KCNQ3: variants seen among roughly 807,000 people sequenced by gnomAD.
The protein encoded by KCNQ3 is potassium voltage-gated channel subfamily KQT member 3.
In KCNQ3, 30 loss-of-function variants were observed where a neutral mutation model predicts 92.5. That is an observed-to-expected ratio of 0.32 (90% CI 0.24 to 0.44). KCNQ3 has a LOEUF of 0.44. Among genes scored for constraint, KCNQ3 ranks in the 20% least tolerant of loss-of-function variants. The pLI is 1.00. For synonymous variants in KCNQ3, 450 were observed against 468.8 expected (o/e 0.96, Z 0.52); for missense variants, 913 against 1,140.3 (o/e 0.80, Z 2.87).
At chr8:132,196,238 T>G (rs1172407996) in intron 1 of KCNQ3, among the ~76,000 whole-genome samples, 1 of 152,196 alleles carries the variant, frequency 6.6e-6, no homozygotes, top group African/African-American at 2.4e-5. Flanking sequence ...ATTAATTCAT[T>G]TATTCAATAA....
At chr8:132,146,969 T>C (rs1825469363) in intron 9 of KCNQ3, among the ~76,000 whole-genome samples, 1 of 152,234 alleles carries the variant, frequency 6.6e-6, no homozygotes, top group African/African-American at 2.4e-5. Flanking sequence ...AGATCTGTAC[T>C]CTTAAAAATG....
rs1054315582 is a variant in KCNQ3 at position 132,186,290 on chromosome 8, A to G, written c.387-109T>C. ...GATGAAGCTGCAACTTCTGCTGGAC[A>G]TTGACATGTGCTTTATATGCTATCC... On this transcript the variant is annotated intron_variant, in intron 1 of 14. Transcript: ENST00000388996. 3 of 760,472 alleles carry G rather than the reference A, an allele frequency of 3.9e-6. No homozygotes were observed. In the South Asian group the frequency reaches 4.4e-5, roughly 11 times the overall value. 47.1% of individuals were successfully genotyped at this position (760,472 alleles called of 1,614,324 possible).
At chr8:132,380,938 A>C (rs1819733390) in intron 1 of KCNQ3, among the ~76,000 whole-genome samples, 1 of 151,662 alleles carries the variant, frequency 6.6e-6, no homozygotes, top group African/African-American at 2.4e-5. Flanking sequence ...GCAGAAAAAA[A>C]AAAAAAAAAA....
At chr8:132,256,312 T>C (rs913402301) in intron 1 of KCNQ3, among the ~76,000 whole-genome samples, 2 of 151,122 alleles carry the variant, frequency 1.3e-5, no homozygotes, top group African/African-American at 2.4e-5. Flanking sequence ...AATTGAGGAA[T>C]AAAAAGAAAA....
intron 9 of KCNQ3, among the ~76,000 whole-genome samples, chr8:132,146,938 G>A (rs908167911): frequency 2.0e-5 from 3 of 151,092 alleles, no homozygotes; most frequent in Non-Finnish European, 4.4e-5. Flanking sequence ...GATTAGAGGC[G>A]TGAGCTGTTG....
At chr8:132,311,010 G>A (rs1326562055) in intron 1 of KCNQ3, among the ~76,000 whole-genome samples, 2 of 150,346 alleles carry the variant, frequency 1.3e-5, no homozygotes, top group African/African-American at 4.9e-5. Context: ...GCACGATTTC[G>A]GCTCACTGCA....
Position 132,480,679 on chromosome 8 carries a change from C to A in KCNQ3, c.-147G>T, listed in dbSNP as rs1002664219. Reference sequence around the variant, plus strand: ...CCGCGCGCCCCTCCCCACCCCCCCCCAAAAGCAGGCAAAGGCGGGCCCCCT... The same window carrying A: ...CCGCGCGCCCCTCCCCACCCCCCCCAAAAAGCAGGCAAAGGCGGGCCCCCT... On this transcript the variant is annotated 5_prime_UTR_variant, in exon 1 of 15. Transcript: ENST00000388996. The A allele has an allele frequency of 3.2e-5, 28 of 864,970 alleles. No individual in the cohort carries two copies. The highest frequency in any genetic ancestry group is 5.5e-5 in the African/African-American group (3 of 54,064). The allele number at this position is 864,970 out of a possible 1,614,324, so 53.6% of individuals were successfully genotyped here. A position where few individuals can be genotyped will look rare whatever the true frequency, so the allele number is the denominator to read the frequency against.
chr8:132,204,280 A>T (rs1250229095), intron 1 of KCNQ3, among the ~76,000 whole-genome samples: 1 of 152,236 alleles, frequency 6.6e-6, no homozygotes, highest in Non-Finnish European at 1.5e-5. Context: ...CAGGTGCATG[A>T]AGGCAGGGTT....
intron 1 of KCNQ3, among the ~76,000 whole-genome samples, chr8:132,414,620 T>C (rs191301960): frequency 6.6e-6 from 1 of 152,290 alleles, no homozygotes; most frequent in African/African-American, 2.4e-5. Context: ...AGGGGACCCC[T>C]TAGGAGCTTA....
chr8:132,283,263 A>C (rs973238580), intron 1 of KCNQ3, among the ~76,000 whole-genome samples: 9 of 152,160 alleles, frequency 5.9e-5, no homozygotes, highest in Non-Finnish European at 1.0e-4. Flanking sequence ...AGGCAAAAAA[A>C]AAATTTATCT....
intron 1 of KCNQ3, among the ~76,000 whole-genome samples, chr8:132,322,944 A>C (rs1817933517): frequency 1.3e-5 from 2 of 152,186 alleles, no homozygotes; most frequent in Non-Finnish European, 2.9e-5. Flanking sequence ...TTGCAAGGTT[A>C]CTGCGTTGGT....
At position 132,261,631 on chromosome 8, in the gene KCNQ3, C is replaced by T. The variant is rs560252464; in HGVS notation, c.387-75450G>A. On this transcript the variant is annotated intron_variant, in intron 1 of 14. Transcript: ENST00000388996. ...TGGGGACCAAGCTGGCAGGAGCAGA[C>T]GTGACTGAGAGGACAAGGAGGAGCA... Among the ~76,000 whole-genome samples the T allele has an allele frequency of 1.2e-4, 19 of 152,254 alleles. No homozygotes were observed. The East Asian group carries it at 1.9e-3, about 15-fold the overall frequency.
chr8:132,319,488 G>A (rs1235249738), intron 1 of KCNQ3, among the ~76,000 whole-genome samples: 2 of 152,128 alleles, frequency 1.3e-5, no homozygotes, highest in Non-Finnish European at 2.9e-5. Context: ...CAACACGCAG[G>A]CGCCTTTAGA....
At chr8:132,405,209 T>C (rs942686334) in intron 1 of KCNQ3, among the ~76,000 whole-genome samples, 61 of 152,232 alleles carry the variant, frequency 4.0e-4, no homozygotes, top group Admixed American at 3.7e-3. Context: ...TTGGCTCCTC[T>C]TGACGATGCA....
chr8:132,469,198 C>A (rs1159838239), intron 1 of KCNQ3, among the ~76,000 whole-genome samples: 1 of 152,132 alleles, frequency 6.6e-6, no homozygotes, highest in African/African-American at 2.4e-5. Flanking sequence ...TTAATAGATG[C>A]CCAATAAAAG....
At chr8:132,148,854 T>G (rs2130957128) in intron 9 of KCNQ3, among the ~76,000 whole-genome samples, 1 of 152,342 alleles carries the variant, frequency 6.6e-6, no homozygotes. Flanking sequence ...GCCTTTGGAC[T>G]TGGACTGAAT....
At chr8:132,477,135 C>T (rs575532674) in intron 1 of KCNQ3, among the ~76,000 whole-genome samples, 2 of 152,214 alleles carry the variant, frequency 1.3e-5, no homozygotes, top group East Asian at 1.9e-4. Context: ...TTCCCACCTC[C>T]GCCAGCCACG....
chr8:132,324,988 T>C (rs1322928715), intron 1 of KCNQ3, among the ~76,000 whole-genome samples: 2 of 152,100 alleles, frequency 1.3e-5, no homozygotes, highest in Non-Finnish European at 2.9e-5. Flanking sequence ...CTAGTTAGTT[T>C]TTTTTTTTTT....
At chr8:132,447,887 C>T (rs1377398942) in intron 1 of KCNQ3, among the ~76,000 whole-genome samples, 1 of 152,202 alleles carries the variant, frequency 6.6e-6, no homozygotes, top group Non-Finnish European at 1.5e-5. Context: ...GTAAGTACTA[C>T]CTGCTGGGCA....
Sources: allele counts gnomAD v4.1 joint callset (sites outside exome capture counted in the v4.1 genomes callset), GRCh38; gene constraint gnomAD v4.1.1; transcripts MANE v1.5; gene names NCBI Gene and HGNC (gene_info 2026-07-23, HGNC 2026-07-21).